The following ATP2A2 variants were observed in gnomAD, a reference collection of about 807,000 sequenced individuals.
The protein encoded by ATP2A2 is sarcoplasmic/endoplasmic reticulum calcium ATPase 2.
In ATP2A2, 14 loss-of-function variants were observed where a neutral mutation model predicts 109.3. The ratio of observed to expected loss-of-function variants is 0.13; its 90% CI spans 0.08 to 0.20. ATP2A2 has a LOEUF of 0.20. Among genes scored for constraint, ATP2A2 ranks in the 10% least tolerant of loss-of-function variants. The probability of loss-of-function intolerance (pLI) is 1.00; values close to 1 mark genes in which losing one functional copy is unlikely to be tolerated. For missense variants in ATP2A2, 657 were observed against 1,321.6 expected (o/e 0.50, Z 7.80); for synonymous variants, 506 against 490.9 (o/e 1.03, Z -0.41).
rs1879294107 is a variant in ATP2A2, at chr12:110,340,922, T to C, written c.2025T>C (p.Phe675=). Residue 675 remains phenylalanine, a synonymous_variant, in exon 14 of 20, where the codon TTT becomes TTC. Transcript: ENST00000539276. The surrounding 1 kb of genome is among the most constrained non-coding windows in gnomAD (Gnocchi z 6.0). ...QRDACLNARC[F]ARVEPSHKSK... is the part of the protein sequence containing the mutation. ...ACGCCTGCCTGAACGCCCGCTGTTT[T>C]GCTCGAGTTGAACCCTCCCACAAGT... 2 of 1,614,144 alleles carry C rather than the reference T, an allele frequency of 1.2e-6. No homozygotes were observed. The highest frequency in any genetic ancestry group is 3.3e-5 in the Admixed American group (2 of 60,016).
rs1880262005 is a variant in ATP2A2 at position 110,350,092 on chromosome 12, G to C, written c.*3622G>C. On this transcript the variant is annotated 3_prime_UTR_variant, in exon 20 of 20. Transcript: ENST00000539276. ...CGACACGAGGAGTCTGTGTCACTGAGCCAGTGCTTCTAGATGCTACCCTGT... is the reference window on the plus strand; with the variant it reads ...CGACACGAGGAGTCTGTGTCACTGACCCAGTGCTTCTAGATGCTACCCTGT... The C allele has an allele frequency of 1.4e-6, 2 of 1,461,004 alleles. No individual in the cohort carries two copies. The highest frequency in any genetic ancestry group is 2.5e-5 in the East Asian group (1 of 40,014). 90.5% of individuals were successfully genotyped at this position (1,461,004 alleles called of 1,614,324 possible).
At chr12:110,343,495 G>C in intron 16 of ATP2A2, 61 bp downstream of exon 16, 2 of 1,581,714 alleles carry the variant, frequency 1.3e-6, no homozygotes, top group Non-Finnish European at 1.7e-6. Context: ...CTGAAATTTT[G>C]TAAATTCATC....
At position 110,332,903 on chromosome 12, in the gene ATP2A2, A is replaced by G. The variant is rs1303284865; in HGVS notation, c.1184+218A>G. Among the ~76,000 whole-genome samples the G allele has an allele frequency of 2.0e-5, 3 of 152,336 alleles. No homozygotes were observed. The South Asian group carries it at 6.2e-4, about 32-fold the overall frequency. On this transcript the variant is annotated intron_variant, in intron 9 of 19. Coordinates refer to ENST00000539276, the MANE Select transcript of ATP2A2 (RefSeq NM_170665.4). ...TGCATCTTCTGGGCTCCAAACTTTC[A>G]AGAGGGATTTGTGTTTGTTATTCAC... is the stretch of plus-strand genomic sequence containing the variant.
intron 5 of ATP2A2, among the ~76,000 whole-genome samples, chr12:110,305,556 C>G (rs1191556455): frequency 3.3e-5 from 5 of 152,212 alleles, no homozygotes; most frequent in Admixed American, 6.5e-5. Flanking sequence ...AATTAATTTA[C>G]AAATGCAAGA....
intron 5 of ATP2A2, among the ~76,000 whole-genome samples, chr12:110,316,776 G>A (rs1005191730): frequency 4.3e-4 from 65 of 152,168 alleles, no homozygotes; most frequent in African/African-American, 1.4e-3. Flanking sequence ...CTATTTATGG[G>A]AGAAGAAAGG....
chr12:110,333,941 A>AAAAT (rs1346414021), intron 10 of ATP2A2, 71 bp from the exon 11 acceptor site: 43 of 1,599,348 alleles, frequency 2.7e-5, no homozygotes, highest in Non-Finnish European at 3.2e-5. Flanking sequence ...TTGTGGAAAA[A>AAAAT]AAATATTAAA....
chr12:110,290,175 T>C (rs1873111457), intron 3 of ATP2A2, among the ~76,000 whole-genome samples: 1 of 152,232 alleles, frequency 6.6e-6, no homozygotes, highest in East Asian at 1.9e-4. Context: ...GTAGTACCAC[T>C]GAAAAGAAAC....
Position 110,347,049 on chromosome 12 carries a change from A to AC in ATP2A2, c.*584dup. 1 of 877,726 alleles carries AC rather than the reference A, an allele frequency of 1.1e-6. No homozygotes were observed. The highest frequency in any genetic ancestry group is 1.3e-6 in the Non-Finnish European group (1 of 782,398). 54.4% of individuals were successfully genotyped at this position (877,726 alleles called of 1,614,324 possible). On this transcript the variant is annotated 3_prime_UTR_variant, in exon 20 of 20. Coordinates refer to ENST00000539276, the MANE Select transcript of ATP2A2 (RefSeq NM_170665.4). ...ACCCCACCCCACCTCTCCCCACCTT[A>AC]CCCCCGCCCCGCTTGGCTTCTTCTT...
chr12:110,290,674 A>C (rs1346393795), intron 3 of ATP2A2, among the ~76,000 whole-genome samples: 1 of 149,838 alleles, frequency 6.7e-6, no homozygotes, highest in Non-Finnish European at 1.5e-5. Flanking sequence ...GTGCGATCTC[A>C]GCTCACTGCA....
At chr12:110,307,196 A>AT (rs1365762997) in intron 5 of ATP2A2, among the ~76,000 whole-genome samples, 1 of 145,350 alleles carries the variant, frequency 6.9e-6, no homozygotes, top group Non-Finnish European at 1.5e-5. Context: ...CCAGCAGTGT[A>AT]TAAGTGTTCC....
At chr12:110,345,149 T>C (rs1879721195) in intron 17 of ATP2A2, 100 bp from the exon 18 acceptor site, 1 of 1,584,150 alleles carries the variant, frequency 6.3e-7, no homozygotes. Flanking sequence ...CTTGGCTGGC[T>C]CTGCATTCAG....
intron 3 of ATP2A2, among the ~76,000 whole-genome samples, chr12:110,285,833 G>T (rs181903459): frequency 6.6e-6 from 1 of 151,498 alleles, no homozygotes; most frequent in African/African-American, 2.4e-5. Context: ...CTAGACTGTG[G>T]TACTTCTCAA....
intron 4 of ATP2A2, chr12:110,295,955 A>G (rs1873917718): frequency 1.3e-5 from 2 of 153,090 alleles, no homozygotes; most frequent in African/African-American, 2.4e-5. Flanking sequence ...ATGACTTCTT[A>G]TCCTCACAAA....
chr12:110,296,856 A>G, intron 5 of ATP2A2, 119 bp downstream of exon 5: 1 of 1,151,670 alleles, frequency 8.7e-7, no homozygotes, highest in East Asian at 2.6e-5. Flanking sequence ...AACACATTTT[A>G]TTGCCATTCA....
rs147575100 is a variant in ATP2A2 at position 110,340,953 on chromosome 12, A to G, written c.2056A>G (p.Ile686Val). The change falls in exon 14 of 20, where the codon ATC (isoleucine) becomes GTC (valine). Residue 686 changes from isoleucine to valine, a missense_variant. Ile to Val is a conservative substitution (Grantham distance 29, BLOSUM62 3). Transcript: ENST00000539276. The surrounding 1 kb of genome is among the most constrained non-coding windows in gnomAD (Gnocchi z 6.0). ...AGTTGAACCCTCCCACAAGTCTAAA[A>G]TCGTAGAATTTCTTCAGTCTTTTGA... ...ARVEPSHKSK[I>V]VEFLQSFDEI... 11 of 1,614,086 alleles carry G rather than the reference A, an allele frequency of 6.8e-6. No homozygotes were observed. In the African/African-American group the frequency reaches 1.2e-4, roughly 18 times the overall value.
At chr12:110,300,075 A>C (rs956665299) in intron 5 of ATP2A2, among the ~76,000 whole-genome samples, 18 of 148,538 alleles carry the variant, frequency 1.2e-4, no homozygotes, top group Middle Eastern at 7.2e-3. Context: ...TCCTTCCGTC[A>C]GTCTGTCCGT....
intron 5 of ATP2A2, among the ~76,000 whole-genome samples, chr12:110,312,315 G>T (rs987870187): frequency 6.6e-6 from 1 of 152,160 alleles, no homozygotes; most frequent in African/African-American, 2.4e-5. Context: ...GATTGGTTCA[G>T]TCTGAAATGG....
In ATP2A2 at chr12:110,322,076, C is replaced by T. The variant is rs536248780; in HGVS notation, c.464-916C>T. ...CGCGATCTCAGCTCACTGCAAGCTC[C>T]GCCTCCCGGGTTCACGCCATTCTCC... On this transcript the variant is annotated intron_variant, in intron 5 of 19. Coordinates refer to ENST00000539276, the MANE Select transcript of ATP2A2 (RefSeq NM_170665.4). Among the ~76,000 whole-genome samples the T allele has an allele frequency of 1.9e-3, 294 of 151,788 alleles. 3 individuals are homozygous for T. Among genetic ancestry groups the T allele is most frequent in the African/African-American group, 6.6e-3 (273 of 41,406 alleles).
At chr12:110,314,648 A>G (rs1399890711) in intron 5 of ATP2A2, among the ~76,000 whole-genome samples, 2 of 152,216 alleles carry the variant, frequency 1.3e-5, no homozygotes, top group Non-Finnish European at 2.9e-5. Context: ...GAGTAAAGAT[A>G]ATAGATCCCT....
Sources: allele counts gnomAD v4.1 joint callset (sites outside exome capture counted in the v4.1 genomes callset), GRCh38; gene constraint gnomAD v4.1.1; non-coding constraint Gnocchi (gnomAD v3.1); transcripts MANE v1.5; gene names NCBI Gene and HGNC (gene_info 2026-07-23, HGNC 2026-07-21).